The following PKHD1 variants were observed in gnomAD, a reference collection of about 807,000 sequenced individuals.
PKHD1 encodes fibrocystin.
In PKHD1, 291 loss-of-function variants were observed where a neutral mutation model predicts 412.0. That is an observed-to-expected ratio of 0.71 (90% CI 0.64 to 0.78). PKHD1 has a LOEUF of 0.78. Among genes scored for constraint, PKHD1 ranks in the 30% least tolerant of loss-of-function variants. PKHD1 has a pLI of 0.00. For missense variants in PKHD1, 4,825 were observed against 4,950.7 expected (o/e 0.97, Z 0.76); for synonymous variants, 1,777 against 1,821.5 (o/e 0.98, Z 0.62).
At chr6:51,989,907 G>GGAAA (rs1796709857) in intron 35 of PKHD1, among the ~76,000 whole-genome samples, 1 of 71,652 alleles carries the variant, frequency 1.4e-5, no homozygotes. Flanking sequence ...GAGGGAGGAA[G>GGAAA]GAAGGAAGGA....
intron 36 of PKHD1, among the ~76,000 whole-genome samples, chr6:51,956,608 G>A (rs1284377228): frequency 6.6e-6 from 1 of 152,004 alleles, no homozygotes; most frequent in Admixed American, 6.6e-5. Context: ...CAAGTAAATT[G>A]ATAATATACC....
chr6:51,899,638 T>G (rs1780868365), intron 43 of PKHD1, among the ~76,000 whole-genome samples: 1 of 151,360 alleles, frequency 6.6e-6, no homozygotes, highest in Non-Finnish European at 1.5e-5. Flanking sequence ...ACCACTCCTA[T>G]TCAACATAGT....
At chr6:51,666,492 G>C (rs900118732) in intron 60 of PKHD1, among the ~76,000 whole-genome samples, 1 of 152,044 alleles carries the variant, frequency 6.6e-6, no homozygotes, top group Non-Finnish European at 1.5e-5. Flanking sequence ...TAGTTTAGAA[G>C]AATTTGTTTC....
intron 22 of PKHD1, among the ~76,000 whole-genome samples, chr6:52,049,159 A>G (rs1806346991): frequency 6.6e-6 from 1 of 152,232 alleles, no homozygotes; most frequent in Non-Finnish European, 1.5e-5. Context: ...TTGTGCAACC[A>G]TCATGCAGTT....
rs1773214866 is a variant in PKHD1 at position 51,855,885 on chromosome 6, T to C, written c.7911+8A>G. The C allele has an allele frequency of 6.2e-7, 1 of 1,607,648 alleles. No individual in the cohort carries two copies. Among genetic ancestry groups the C allele is most frequent in the Middle Eastern group, 1.6e-4 (1 of 6,064 alleles). On this transcript the variant is annotated splice_region_variant and intron_variant, in intron 49 of 66. Coordinates refer to ENST00000371117, the MANE Select transcript of PKHD1 (RefSeq NM_138694.4). ...GCAGCATACCAACTAATGGATTCCT[T>C]GGGTTACCTGCAGAGATCTGTTGAT...
Position 51,618,975 on chromosome 6 carries a change from T to C in PKHD1, c.*106A>G. The C allele has an allele frequency of 9.7e-7, 1 of 1,027,742 alleles. No individual in the cohort carries two copies. Among genetic ancestry groups the C allele is most frequent in the South Asian group, 1.3e-5 (1 of 78,302 alleles). The allele number at this position is 1,027,742 out of a possible 1,614,324, so 63.7% of individuals were successfully genotyped here. A position where few individuals can be genotyped will look rare whatever the true frequency, so the allele number is the denominator to read the frequency against. On this transcript the variant is annotated 3_prime_UTR_variant, in exon 67 of 67. Coordinates refer to ENST00000371117, the MANE Select transcript of PKHD1 (RefSeq NM_138694.4). ...AAAAAGGGATTCAGAGTCCACATTCTCTCTTCTTAGTTGTCCCAGCAGGAC... is the reference window on the plus strand; with the variant it reads ...AAAAAGGGATTCAGAGTCCACATTCCCTCTTCTTAGTTGTCCCAGCAGGAC...
chr6:51,863,771 T>C (rs1179081381), intron 48 of PKHD1, among the ~76,000 whole-genome samples: 1 of 152,206 alleles, frequency 6.6e-6, no homozygotes, highest in Non-Finnish European at 1.5e-5. Context: ...AGCCGAATGC[T>C]GTGGACTCCT....
At chr6:51,783,726 T>C (rs949020938) in intron 53 of PKHD1, among the ~76,000 whole-genome samples, 13 of 152,176 alleles carry the variant, frequency 8.5e-5, no homozygotes, top group Non-Finnish European at 4.4e-5. Context: ...CAAACAAATG[T>C]TTATTGAACA....
At chr6:52,013,842 T>C (rs1178806800) in intron 34 of PKHD1, among the ~76,000 whole-genome samples, 1 of 152,180 alleles carries the variant, frequency 6.6e-6, no homozygotes, top group Admixed American at 6.5e-5. Context: ...TTAGGATAGG[T>C]AGGGAAAACA....
At chr6:51,789,773 G>A (rs1055028176) in intron 53 of PKHD1, among the ~76,000 whole-genome samples, 6 of 152,060 alleles carry the variant, frequency 3.9e-5, no homozygotes, top group African/African-American at 1.4e-4. Context: ...TATGAACCAT[G>A]GTTATAAACT....
chr6:51,946,533 G>C (rs1450397565), intron 36 of PKHD1, among the ~76,000 whole-genome samples: 1 of 152,202 alleles, frequency 6.6e-6, no homozygotes, highest in African/African-American at 2.4e-5. Flanking sequence ...ATAGTTACTT[G>C]AGTATGGGAG....
chr6:52,003,367 C>T (rs17747707), intron 35 of PKHD1, among the ~76,000 whole-genome samples: 9,157 of 152,100 alleles, frequency 0.06, 313 homozygotes, highest in East Asian at 0.11. Context: ...ATCAAAGTAC[C>T]TTTAACTTAA....
intron 60 of PKHD1, among the ~76,000 whole-genome samples, chr6:51,667,696 T>C (rs1774074562): frequency 6.6e-6 from 1 of 150,544 alleles, no homozygotes. Context: ...GTTTAAGTCT[T>C]TAATCCATCT....
intron 66 of PKHD1, among the ~76,000 whole-genome samples, chr6:51,620,073 C>T (rs1766415114): frequency 6.6e-6 from 1 of 152,176 alleles, no homozygotes; most frequent in African/African-American, 2.4e-5. Context: ...TGGCACATTA[C>T]ACTCAAGTCA....
At chr6:51,921,812 CT>C (rs571411201) in intron 37 of PKHD1, among the ~76,000 whole-genome samples, 77 of 152,284 alleles carry the variant, frequency 5.1e-4, no homozygotes, top group African/African-American at 1.7e-3. Flanking sequence ...GCTGTTTATT[CT>C]AGTTAGCCAT....
intron 16 of PKHD1, among the ~76,000 whole-genome samples, chr6:52,058,076 G>A (rs1433859638): frequency 2.0e-5 from 3 of 152,188 alleles, no homozygotes; most frequent in African/African-American, 7.2e-5. Context: ...TGGGAAATAA[G>A]TTTCTAAAAG....
intron 27 of PKHD1, among the ~76,000 whole-genome samples, chr6:52,036,367 T>C (rs1397218578): frequency 6.6e-6 from 1 of 152,240 alleles, no homozygotes; most frequent in Admixed American, 6.5e-5. Flanking sequence ...GAAATCCCCA[T>C]TTCTTCCCTG....
chr6:52,034,179 GAAA>G (rs60829265), intron 28 of PKHD1, among the ~76,000 whole-genome samples: 3 of 139,848 alleles, frequency 2.1e-5, no homozygotes, highest in Non-Finnish European at 3.1e-5. Context: ...AACTCTAGGG[GAAA>G]AAAAAAAAAA....
chr6:52,070,482 T>C lies in PKHD1; in HGVS notation c.668-37A>G. 2.0e-6 allele frequency: 3 copies of C among 1,529,264 alleles called. No individual in the cohort carries two copies. The South Asian group carries it at 3.4e-5, about 17-fold the overall frequency. 94.7% of individuals were successfully genotyped at this position (1,529,264 alleles called of 1,614,324 possible). A position where few individuals can be genotyped will look rare whatever the true frequency, so the allele number is the denominator to read the frequency against. ...AGAAACACACATTAACTCAGGAATC[T>C]GCACGAGTCTTCTGGGCCAGGCCAT... On this transcript the variant is annotated intron_variant, in intron 9 of 66. Coordinates refer to ENST00000371117, the MANE Select transcript of PKHD1 (RefSeq NM_138694.4).
Sources: gnomAD v4.1 joint callset for allele counts (sites outside exome capture counted in the v4.1 genomes callset) on GRCh38, gnomAD v4.1.1 for gene constraint, MANE v1.5 for transcripts, NCBI Gene and HGNC (gene_info 2026-07-23, HGNC 2026-07-21) for gene names.